Variants in C5 observed in about 807,000 individuals in gnomAD.
The protein encoded by C5 is C3 and PZP-like alpha-2-macroglobulin domain-containing protein 4.
A neutral mutation model predicts 218.8 loss-of-function variants in C5; 140 were observed. The observed-to-expected ratio is 0.64, with a 90% CI of 0.56 to 0.74. The LOEUF (loss-of-function observed/expected upper bound fraction) is 0.74. Among genes scored for constraint, C5 ranks in the 30% least tolerant of loss-of-function variants. C5 has a pLI of 0.00. For synonymous variants in C5, 614 were observed against 682.3 expected, an observed-to-expected ratio of 0.90 and a Z score of 1.56; for missense variants, 1,700 against 1,969.6, an observed-to-expected ratio of 0.86 and a Z score of 2.59.
chr9:121,012,717 G>A (rs1340762931), intron 17 of C5, among the ~76,000 whole-genome samples: 2 of 152,160 alleles, frequency 1.3e-5, no homozygotes, highest in Non-Finnish European at 2.9e-5. Flanking sequence ...CCATCATGGA[G>A]CGTACTTACA....
intron 10 of C5, among the ~76,000 whole-genome samples, chr9:121,022,720 A>T (rs920445436): frequency 1.3e-5 from 2 of 150,430 alleles, no homozygotes; most frequent in Non-Finnish European, 1.5e-5. Context: ...AAAATATATT[A>T]TTTGTAATAA....
chr9:121,074,049 C>T, the C5 span, among the ~76,000 whole-genome samples: 31 of 152,066 alleles, frequency 2.0e-4, no homozygotes, highest in Non-Finnish European at 2.5e-4. Flanking sequence ...AATACGCTGG[C>T]ATAGGGGTCT....
In C5 at chr9:121,017,370, A is replaced by G. The variant is rs749455056; in HGVS notation, c.1858T>C (p.Leu620=). The G allele has an allele frequency of 6.2e-7, 1 of 1,613,714 alleles. No individual in the cohort carries two copies. Among genetic ancestry groups the G allele is most frequent in the Non-Finnish European group, 8.5e-7 (1 of 1,179,860 alleles). Residue 620 remains leucine, a synonymous_variant, in exon 14 of 41, where the codon TTG becomes CTG. Transcript: ENST00000223642. The part of the protein sequence containing the change: ...YGVQRGAKKP[L]ERVFQFLEKS... ...GACATGCATTACTTAACTCTTTCCAAGGGCTTTTTGGCTCCTCTTTGGACT... is the reference window on the plus strand; with the variant it reads ...GACATGCATTACTTAACTCTTTCCAGGGGCTTTTTGGCTCCTCTTTGGACT...
chr9:120,961,332 T>A, intron 37 of C5, 150 bp downstream of exon 37: 1 of 676,864 alleles, frequency 1.5e-6, no homozygotes, highest in Non-Finnish European at 2.7e-6. Flanking sequence ...TTTACAATGC[T>A]CAAGGAATCA....
rs1383923973 is a variant in C5, at chr9:120,989,092, C to T, written c.3184G>A (p.Ala1062Thr). 6.2e-7 allele frequency: 1 copy of T among 1,613,882 alleles called. No homozygotes were observed. Among genetic ancestry groups the T allele is most frequent in the South Asian group, 1.1e-5 (1 of 91,078 alleles). ...TTCCACACACTGTAAGAGTAGTCAG[C>T]ATTTCTGTAGGACATAATGCTCAAC... The part of the protein sequence containing the change: ...GMLSIMSYRN[A>T]DYSYSVWKGG... Residue 1062 changes from alanine to threonine, a missense_variant, in exon 25 of 41, where the codon GCT becomes ACT. Transcript: ENST00000223642.
At chr9:121,003,078 G>A (rs539739910) in intron 20 of C5, among the ~76,000 whole-genome samples, 32 of 152,256 alleles carry the variant, frequency 2.1e-4, no homozygotes, top group African/African-American at 7.0e-4. Flanking sequence ...AGATCACAAG[G>A]TCAGGAGTTC....
At chr9:121,066,260 C>T in the C5 span, among the ~76,000 whole-genome samples, 56 of 145,498 alleles carry the variant, frequency 3.8e-4, no homozygotes, top group Non-Finnish European at 5.7e-4. Flanking sequence ...TGCAGTGAGC[C>T]GAGATCATGC....
intron 5 of C5, among the ~76,000 whole-genome samples, chr9:121,032,515 A>G (rs1016000648): frequency 3.9e-5 from 6 of 152,230 alleles, no homozygotes; most frequent in Non-Finnish European, 1.5e-5. Flanking sequence ...GAGCCTAATT[A>G]TGCTAACATA....
At chr9:121,025,200 T>A (rs2047409109) in intron 9 of C5, among the ~76,000 whole-genome samples, 1 of 152,166 alleles carries the variant, frequency 6.6e-6, no homozygotes, top group Non-Finnish European at 1.5e-5. Flanking sequence ...TGGGTACTGT[T>A]TTCCCATTTT....
At chr9:120,993,453 C>T (rs933892351) in intron 22 of C5, among the ~76,000 whole-genome samples, 9 of 152,176 alleles carry the variant, frequency 5.9e-5, no homozygotes, top group African/African-American at 1.9e-4. Context: ...GACGGAGTCT[C>T]GCTCTGTCGC....
chr9:121,070,080 A>G, the C5 span, among the ~76,000 whole-genome samples: 3 of 152,068 alleles, frequency 2.0e-5, no homozygotes, highest in Non-Finnish European at 4.4e-5. Flanking sequence ...AATGTGGGCC[A>G]GACGTAGTGG....
chr9:121,067,936 C>G, the C5 span, among the ~76,000 whole-genome samples: 1 of 152,126 alleles, frequency 6.6e-6, no homozygotes, highest in Non-Finnish European at 1.5e-5. Flanking sequence ...TCAGTAATTA[C>G]TTTATAAATT....
At chr9:120,973,085 G>A (rs573059527) in intron 30 of C5, among the ~76,000 whole-genome samples, 9 of 152,214 alleles carry the variant, frequency 5.9e-5, no homozygotes, top group East Asian at 1.9e-4. Flanking sequence ...AAATTAATTT[G>A]TTTAACTTAA....
At chr9:121,023,213 C>A (rs1353741983) in intron 10 of C5, among the ~76,000 whole-genome samples, 191 bp downstream of exon 10, 1 of 152,152 alleles carries the variant, frequency 6.6e-6, no homozygotes, top group Non-Finnish European at 1.5e-5. Flanking sequence ...CTTTTGAAGT[C>A]ATTGCCAAGG....
upstream of C5, among the ~76,000 whole-genome samples, chr9:121,051,089 T>G (rs1484042816): frequency 6.6e-6 from 1 of 151,922 alleles, no homozygotes; most frequent in African/African-American, 2.4e-5. Flanking sequence ...AGTCTAGTAA[T>G]TAATTCACAA....
intron 2 of C5, among the ~76,000 whole-genome samples, chr9:121,044,575 G>C (rs2047609915): frequency 1.3e-5 from 2 of 152,108 alleles, no homozygotes; most frequent in South Asian, 4.2e-4. Context: ...GCAATCCATA[G>C]ACCCACACTT....
intron 12 of C5, among the ~76,000 whole-genome samples, chr9:121,018,161 G>T (rs1205747250): frequency 1.4e-5 from 2 of 144,710 alleles, no homozygotes; most frequent in Non-Finnish European, 3.0e-5. Flanking sequence ...GCTGAGGCAT[G>T]AGAATTACTG....
At chr9:121,030,879 G>A (rs1044578608) in intron 6 of C5, among the ~76,000 whole-genome samples, 2 of 152,194 alleles carry the variant, frequency 1.3e-5, no homozygotes, top group Non-Finnish European at 2.9e-5. Context: ...AGAGACATCA[G>A]TTAGGAGGCT....
intron 29 of C5, among the ~76,000 whole-genome samples, chr9:120,975,700 C>A (rs1376194867): frequency 6.6e-6 from 1 of 152,210 alleles, no homozygotes; most frequent in African/African-American, 2.4e-5. Context: ...AGAATGCCTT[C>A]ACCAGGTGCA....
Sources: gnomAD v4.1 joint callset for allele counts (sites outside exome capture counted in the v4.1 genomes callset) on GRCh38, gnomAD v4.1.1 for gene constraint, MANE v1.5 for transcripts, NCBI Gene and HGNC (gene_info 2026-07-23, HGNC 2026-07-21) for gene names.